SH3PXD2A: variants seen among roughly 807,000 people sequenced by gnomAD.
SH3PXD2A encodes the protein SH3 and PX domain-containing protein 2A.
Under a neutral mutation model 115.2 loss-of-function variants are expected in SH3PXD2A, and 32 were observed. The ratio of observed to expected loss-of-function variants is 0.28; its 90% CI spans 0.21 to 0.37. The LOEUF is 0.37. Ranked by LOEUF, SH3PXD2A falls within the 10% of genes least tolerant of loss-of-function variation. The pLI is 1.00. For synonymous variants in SH3PXD2A, 610 were observed against 629.1 expected, an observed-to-expected ratio of 0.97 and a Z score of 0.45; for missense variants, 1,328 against 1,498.7, an observed-to-expected ratio of 0.89 and a Z score of 1.88.
intron 1 of SH3PXD2A, among the ~76,000 whole-genome samples, chr10:103,804,279 G>A (rs926412526): frequency 2.6e-5 from 4 of 151,360 alleles, no homozygotes; most frequent in African/African-American, 9.7e-5. Context: ...GATGGTTGCA[G>A]GGGGCCTTCA....
chr10:103,608,282 CACG>C (rs772446755), intron 13 of SH3PXD2A, among the ~76,000 whole-genome samples: 67 of 150,502 alleles, frequency 4.5e-4, no homozygotes, highest in East Asian at 2.7e-3. Context: ...GTCCTCCTCC[CACG>C]CCTTCCCAGG....
chr10:103,652,751 G>A (rs1340896452), intron 8 of SH3PXD2A, among the ~76,000 whole-genome samples: 1 of 152,164 alleles, frequency 6.6e-6, no homozygotes, highest in Non-Finnish European at 1.5e-5. Flanking sequence ...TGAGGACAAA[G>A]GCAGTGTCTG....
chr10:103,603,853 G>T, intron 14 of SH3PXD2A, 64 bp from the exon 15 acceptor site: 3 of 1,478,650 alleles, frequency 2.0e-6, no homozygotes, highest in Non-Finnish European at 2.7e-6. Context: ...ACATCCCAAG[G>T]TAGGAGTATC....
intron 8 of SH3PXD2A, among the ~76,000 whole-genome samples, chr10:103,638,815 A>G (rs1361114914): frequency 1.3e-5 from 2 of 152,192 alleles, no homozygotes; most frequent in African/African-American, 4.8e-5. Flanking sequence ...CAAGACCTCA[A>G]TGCGCCTGGG....
chr10:103,650,410 A>G (rs2037102206), intron 8 of SH3PXD2A, among the ~76,000 whole-genome samples: 1 of 152,240 alleles, frequency 6.6e-6, no homozygotes, highest in African/African-American at 2.4e-5. Context: ...AATGGGGAAG[A>G]ACAGAGGAAA....
At chr10:103,629,608 G>T (rs1254171455) in intron 8 of SH3PXD2A, among the ~76,000 whole-genome samples, 1 of 152,166 alleles carries the variant, frequency 6.6e-6, no homozygotes, top group Non-Finnish European at 1.5e-5. Context: ...ACCTCTACTT[G>T]CACCTTGGCT....
intron 1 of SH3PXD2A, among the ~76,000 whole-genome samples, chr10:103,815,075 A>C (rs1276634450): frequency 1.3e-5 from 2 of 152,164 alleles, no homozygotes; most frequent in Non-Finnish European, 2.9e-5. Flanking sequence ...TAGATGAGAG[A>C]CCTAAATGCG....
chr10:103,805,596 A>G (rs2039194109), intron 1 of SH3PXD2A, among the ~76,000 whole-genome samples: 1 of 152,226 alleles, frequency 6.6e-6, no homozygotes, highest in Non-Finnish European at 1.5e-5. Flanking sequence ...ACTCTTCAGA[A>G]ATGTTGAAAA....
intron 2 of SH3PXD2A, among the ~76,000 whole-genome samples, chr10:103,767,812 T>G (rs948302584): frequency 2.0e-5 from 2 of 98,830 alleles, no homozygotes; most frequent in Non-Finnish European, 4.4e-5. Flanking sequence ...ACTGTTTTGT[T>G]TTTTTTTTTT....
chr10:103,821,308 TAGTAGAGAC>T (rs1051785722), intron 1 of SH3PXD2A, among the ~76,000 whole-genome samples: 1 of 151,910 alleles, frequency 6.6e-6, no homozygotes, highest in African/African-American at 2.4e-5. Flanking sequence ...TTCGTATTTT[TAGTAGAGAC>T]AGGGTTTCAC....
chr10:103,637,030 C>T (rs2036877579), intron 8 of SH3PXD2A, among the ~76,000 whole-genome samples: 1 of 152,230 alleles, frequency 6.6e-6, no homozygotes, highest in Admixed American at 6.5e-5. Context: ...ATGGTGTATG[C>T]AATACCCAGA....
intron 6 of SH3PXD2A, among the ~76,000 whole-genome samples, chr10:103,669,271 A>G (rs2037426723): frequency 6.6e-6 from 1 of 152,202 alleles, no homozygotes; most frequent in Non-Finnish European, 1.5e-5. Flanking sequence ...AAGCAGAAGG[A>G]CAGGGACCTT....
At chr10:103,664,245 G>T (rs192342704) in intron 7 of SH3PXD2A, among the ~76,000 whole-genome samples, 2 of 152,232 alleles carry the variant, frequency 1.3e-5, no homozygotes, top group African/African-American at 4.8e-5. Context: ...GGAAAGAAAG[G>T]CTCCAGCAAC....
At chr10:103,738,352 A>C (rs1564877008) in intron 3 of SH3PXD2A, among the ~76,000 whole-genome samples, 1 of 152,192 alleles carries the variant, frequency 6.6e-6, no homozygotes, top group Non-Finnish European at 1.5e-5. Context: ...CACAGGCTAC[A>C]TGTGTGAGGC....
chr10:103,607,581 C>T (rs1336007800), intron 13 of SH3PXD2A, among the ~76,000 whole-genome samples: 2 of 151,956 alleles, frequency 1.3e-5, no homozygotes, highest in Non-Finnish European at 2.9e-5. Context: ...GTGAGGGGCG[C>T]CTCTGCCCGG....
chr10:103,818,012 T>C (rs974900313), intron 1 of SH3PXD2A, among the ~76,000 whole-genome samples: 4 of 152,232 alleles, frequency 2.6e-5, no homozygotes, highest in Admixed American at 2.6e-4. Flanking sequence ...AGTTGCACTA[T>C]CTGTGAATGA....
intron 1 of SH3PXD2A, among the ~76,000 whole-genome samples, chr10:103,849,851 C>G (rs548698490): frequency 6.6e-6 from 1 of 152,338 alleles, no homozygotes; most frequent in African/African-American, 2.4e-5. Context: ...GGGTCCCTAT[C>G]CTAATCTACT....
chr10:103,630,595 A>G (rs2036763721), intron 8 of SH3PXD2A, among the ~76,000 whole-genome samples: 1 of 152,074 alleles, frequency 6.6e-6, no homozygotes, highest in Non-Finnish European at 1.5e-5. Flanking sequence ...AAGCCTGAGA[A>G]TTAAGTCAAT....
chr10:103,729,574 G>C (rs1390865014), intron 4 of SH3PXD2A, among the ~76,000 whole-genome samples: 1 of 152,216 alleles, frequency 6.6e-6, no homozygotes, highest in Admixed American at 6.5e-5. Flanking sequence ...CAAGTGGGAG[G>C]AAGCATTGCC....
Sources: allele counts gnomAD v4.1 joint callset (sites outside exome capture counted in the v4.1 genomes callset), GRCh38; gene constraint gnomAD v4.1.1; transcripts MANE v1.5; gene names NCBI Gene and HGNC (gene_info 2026-07-23, HGNC 2026-07-21).